IL1RAP: variants seen among roughly 807,000 people sequenced by gnomAD.
The protein encoded by IL1RAP is interleukin-1 receptor accessory protein.
In IL1RAP, 35 loss-of-function variants were observed where a neutral mutation model predicts 60.7. That is an observed-to-expected ratio of 0.58 (90% CI 0.44 to 0.76). IL1RAP has a LOEUF of 0.76. Ranked by LOEUF, IL1RAP falls within the 30% of genes least tolerant of loss-of-function variation. The pLI is 0.00. For synonymous variants in IL1RAP, 268 were observed against 250.9 expected (o/e 1.07, Z -0.64); for missense variants, 572 against 693.9 (o/e 0.82, Z 1.97).
At chr3:190,608,202 G>A (rs568792624) in intron 4 of IL1RAP, among the ~76,000 whole-genome samples, 1 of 152,136 alleles carries the variant, frequency 6.6e-6, no homozygotes, top group Non-Finnish European at 1.5e-5. Flanking sequence ...GACCATCATA[G>A]AGTATAGTTA....
intron 1 of IL1RAP, among the ~76,000 whole-genome samples, chr3:190,550,044 C>CT (rs2108586624): frequency 6.6e-6 from 1 of 152,272 alleles, no homozygotes; most frequent in East Asian, 1.9e-4. Flanking sequence ...CCTTGCATCT[C>CT]TGAGTCCTGG....
intron 1 of IL1RAP, among the ~76,000 whole-genome samples, chr3:190,523,235 G>A (rs1303852402): frequency 4.6e-5 from 7 of 152,228 alleles, no homozygotes; most frequent in African/African-American, 1.2e-4. Flanking sequence ...GGTAGGGGAA[G>A]CAGGAATAGG....
intron 3 of IL1RAP, among the ~76,000 whole-genome samples, chr3:190,588,347 C>T (rs1382070587): frequency 1.1e-4 from 16 of 152,214 alleles, no homozygotes; most frequent in Non-Finnish European, 1.3e-4. Flanking sequence ...CTCTTGACCT[C>T]GTGATCCGCC....
At position 190,648,481 on chromosome 3, in the gene IL1RAP, A is replaced by G. The variant is rs772773219; in HGVS notation, c.1489A>G (p.Asn497Asp). Residue 497 changes from asparagine (N) to aspartate (D), a missense_variant, in exon 12 of 12, where the codon AAC (asparagine) becomes GAC (aspartate). By Grantham distance (23) the Asn-to-Asp change is conservative. Transcript: ENST00000447382. ...LENMASRGNI[N>D]VILVQYKAVK... ...AAATATGGCCTCTCGGGGCAACATC[A>G]ACGTCATTTTAGTACAGTACAAAGC... 6.2e-7 allele frequency: 1 copy of G among 1,614,138 alleles called. No individual in the cohort carries two copies. The highest frequency in any genetic ancestry group is 8.5e-7 in the Non-Finnish European group (1 of 1,180,034).
chr3:190,626,358 C>G (rs111790770), intron 7 of IL1RAP, among the ~76,000 whole-genome samples: 14 of 152,238 alleles, frequency 9.2e-5, no homozygotes, highest in African/African-American at 2.9e-4. Context: ...AAGTATGTTG[C>G]TACTGCTGCT....
chr3:190,644,044 T>A (rs1733838752), intron 9 of IL1RAP: 1 of 718,670 alleles, frequency 1.4e-6, no homozygotes, highest in Non-Finnish European at 1.7e-6. Context: ...ACACCTTCTA[T>A]GCCAGGTGCT....
rs1727078798 is a variant in IL1RAP at position 190,572,871 on chromosome 3, T to TTTTG, written c.64+8521_64+8522insGTTT. On this transcript the variant is annotated intron_variant, in intron 3 of 11. Coordinates refer to ENST00000447382, the MANE Select transcript of IL1RAP (RefSeq NM_002182.4). ...GGGTTAATGCTTTGTTTTTTTTTTT[T>TTTTG]TTTTTTTTTTGAGACGGAGTCTCGC... Among the ~76,000 whole-genome samples the TTTTG allele has an allele frequency of 5.1e-5, 2 of 38,906 alleles. 1 individual carries two copies. Among genetic ancestry groups the TTTTG allele is most frequent in the African/African-American group, 2.1e-4 (2 of 9,654 alleles). 25.5% of individuals were successfully genotyped at this position (38,906 alleles called of 152,430 possible). A position where few individuals can be genotyped will look rare whatever the true frequency, so the allele number is the denominator to read the frequency against.
intron 1 of IL1RAP, among the ~76,000 whole-genome samples, chr3:190,520,937 T>C (rs1721966468): frequency 6.6e-6 from 1 of 152,194 alleles, no homozygotes; most frequent in South Asian, 2.1e-4. Context: ...AAATTGTGTT[T>C]CCATAATATA....
chr3:190,648,681 G>T lies in IL1RAP; in HGVS notation c.1689G>T (p.Ser563=). The T allele has an allele frequency of 6.2e-7, 1 of 1,610,626 alleles. No homozygotes were observed. The highest frequency in any genetic ancestry group is 1.1e-5 in the South Asian group (1 of 90,660). Residue 563 remains serine, a synonymous_variant, in exon 12 of 12, where the codon TCG becomes TCT. Transcript: ENST00000447382. ...CTAGCAGTGATGAGCAGGGCCTCTC[G>T]TATTCATCTTTGAAAAATGTATGAA... ...RRSSSDEQGL[S]YSSLKNV is the part of the protein sequence containing the mutation.
chr3:190,550,393 G>C (rs916897900), intron 1 of IL1RAP: 3 of 152,184 alleles, frequency 2.0e-5, no homozygotes, highest in African/African-American at 7.2e-5. Context: ...GTGTCTCATG[G>C]GGAATTGCAT....
intron 3 of IL1RAP, among the ~76,000 whole-genome samples, chr3:190,567,055 G>A (rs1726474163): frequency 6.6e-6 from 1 of 152,122 alleles, no homozygotes; most frequent in Non-Finnish European, 1.5e-5. Flanking sequence ...TTCCATGTGG[G>A]CCTTTTAAGA....
At chr3:190,555,153 T>C (rs1725295068) in intron 1 of IL1RAP, among the ~76,000 whole-genome samples, 1 of 152,158 alleles carries the variant, frequency 6.6e-6, no homozygotes, top group Non-Finnish European at 1.5e-5. Context: ...CTGGGAAAAG[T>C]AATTAATTTC....
chr3:190,609,306 C>G lies in IL1RAP; in HGVS notation c.537+125C>G, dbSNP rs192152457. On this transcript the variant is annotated intron_variant, in intron 5 of 11. Transcript: ENST00000447382. ...GATTATCTGATCTATTCCGTAATAG[C>G]TTTATGGAAGTATTTCAGCACGTCC... 291 of 616,064 alleles carry G rather than the reference C, an allele frequency of 4.7e-4. 3 individuals carry two copies. The East Asian group carries it at 8.4e-3, about 18-fold the overall frequency. The allele number at this position is 616,064 out of a possible 1,614,324, so 38.2% of individuals were successfully genotyped here.
At chr3:190,586,913 T>C (rs527508018) in intron 3 of IL1RAP, among the ~76,000 whole-genome samples, 1 of 152,334 alleles carries the variant, frequency 6.6e-6, no homozygotes, top group Non-Finnish European at 1.5e-5. Context: ...CTTCCGATGC[T>C]GGGAGGTGCT....
downstream of IL1RAP, among the ~76,000 whole-genome samples, chr3:190,654,904 G>C (rs1250962730): frequency 1.3e-5 from 2 of 152,122 alleles, no homozygotes; most frequent in Admixed American, 1.3e-4. Context: ...ACTTTCCCTT[G>C]GGATCTGTCC....
At chr3:190,549,854 A>G (rs1724709297) in intron 1 of IL1RAP, among the ~76,000 whole-genome samples, 1 of 152,216 alleles carries the variant, frequency 6.6e-6, no homozygotes. Flanking sequence ...GGAAAAAATA[A>G]GCTGCTTTTT....
intron 1 of IL1RAP, among the ~76,000 whole-genome samples, chr3:190,523,875 G>A (rs113306861): frequency 1.4e-4 from 22 of 152,212 alleles, no homozygotes; most frequent in African/African-American, 5.3e-4. Flanking sequence ...TCCTTTGGGT[G>A]TATACCCAGT....
At chr3:190,638,868 T>C (rs1182645268) in intron 9 of IL1RAP, among the ~76,000 whole-genome samples, 1 of 152,168 alleles carries the variant, frequency 6.6e-6, no homozygotes, top group Non-Finnish European at 1.5e-5. Context: ...TGTCAATATT[T>C]TCACAGGATA....
intron 3 of IL1RAP, among the ~76,000 whole-genome samples, chr3:190,572,581 CT>C (rs1240950134): frequency 6.6e-6 from 1 of 152,146 alleles, no homozygotes; most frequent in Non-Finnish European, 1.5e-5. Flanking sequence ...CGGCTATATA[CT>C]TTTTTCAGAT....
Sources: allele counts gnomAD v4.1 joint callset (sites outside exome capture counted in the v4.1 genomes callset), GRCh38; gene constraint gnomAD v4.1.1; transcripts MANE v1.5; gene names NCBI Gene and HGNC (gene_info 2026-07-23, HGNC 2026-07-21).